Variants in STARD13 observed in about 807,000 individuals in gnomAD.
STARD13 encodes the protein stAR-related lipid transfer protein 13.
A neutral mutation model predicts 106.4 loss-of-function variants in STARD13; 62 were observed. The observed-to-expected ratio is 0.58, with a 90% CI of 0.48 to 0.72. The LOEUF (loss-of-function observed/expected upper bound fraction) is 0.72, where lower values mean the gene tolerates loss of function less well. Ranked by LOEUF, STARD13 falls within the 30% of genes least tolerant of loss-of-function variation. STARD13 has a pLI of 0.00. For synonymous variants in STARD13, 565 were observed against 553.0 expected (o/e 1.02, Z -0.31); for missense variants, 1,387 against 1,424.0 (o/e 0.97, Z 0.42).
chr13:33,288,042 C>A (rs1892143074), upstream of STARD13, among the ~76,000 whole-genome samples: 1 of 151,876 alleles, frequency 6.6e-6, no homozygotes, highest in African/African-American at 2.4e-5. Flanking sequence ...ATTATGAAAA[C>A]AAGTGGAATG....
chr13:33,592,405 G>T, the STARD13 span, among the ~76,000 whole-genome samples: 3 of 152,280 alleles, frequency 2.0e-5, no homozygotes, highest in Non-Finnish European at 4.4e-5. Flanking sequence ...GGAGGATCTG[G>T]GGTGCTAAGA....
chr13:33,541,153 A>G, the STARD13 span, among the ~76,000 whole-genome samples: 7 of 152,344 alleles, frequency 4.6e-5, no homozygotes, highest in East Asian at 1.3e-3. Flanking sequence ...TATACGATGT[A>G]GAGAAAGATG....
At chr13:33,294,584 C>G (rs889483827) in intron 1 of STARD13, among the ~76,000 whole-genome samples, 1 of 152,196 alleles carries the variant, frequency 6.6e-6, no homozygotes, top group Non-Finnish European at 1.5e-5. Flanking sequence ...AATAATTTTA[C>G]TGGAGATTTT....
chr13:33,402,370 T>C, the STARD13 span, among the ~76,000 whole-genome samples: 1 of 152,232 alleles, frequency 6.6e-6, no homozygotes, highest in Non-Finnish European at 1.5e-5. Context: ...ATTTCAGCTC[T>C]TACAGCAGCA....
chr13:33,647,435 T>C, the STARD13 span, among the ~76,000 whole-genome samples: 2 of 152,192 alleles, frequency 1.3e-5, no homozygotes, highest in Non-Finnish European at 2.9e-5. Context: ...TGGATGACTG[T>C]CTAGTAGTTC....
the STARD13 span, among the ~76,000 whole-genome samples, chr13:33,673,362 G>C: frequency 0.02 from 3,055 of 152,218 alleles, 115 homozygotes; most frequent in African/African-American, 0.07. Context: ...ATCTGAGAGG[G>C]CAGGTGCATA....
At chr13:33,584,621 G>A in the STARD13 span, among the ~76,000 whole-genome samples, 2 of 152,142 alleles carry the variant, frequency 1.3e-5, no homozygotes, top group South Asian at 4.2e-4. Context: ...TACAAATGTC[G>A]AGCATGTCTT....
intron 3 of STARD13, among the ~76,000 whole-genome samples, chr13:33,165,086 ACT>A (rs1242800738): frequency 6.7e-6 from 1 of 148,256 alleles, no homozygotes; most frequent in Non-Finnish European, 1.5e-5. Context: ...TCTCACTCTC[ACT>A]CTCTCTCTCT....
intron 1 of STARD13, among the ~76,000 whole-genome samples, chr13:33,207,021 T>C (rs1269708796): frequency 1.3e-5 from 2 of 152,228 alleles, no homozygotes; most frequent in Admixed American, 6.5e-5. Flanking sequence ...TTTGTTGTTA[T>C]TATGCAACAT....
chr13:33,524,561 G>A, the STARD13 span, among the ~76,000 whole-genome samples: 1 of 151,896 alleles, frequency 6.6e-6, no homozygotes, highest in Non-Finnish European at 1.5e-5. Flanking sequence ...TTTGGTTAGT[G>A]AGATCAGCCC....
the STARD13 span, among the ~76,000 whole-genome samples, chr13:33,559,085 C>A: frequency 9.2e-5 from 14 of 151,632 alleles, no homozygotes; most frequent in African/African-American, 2.2e-4. Flanking sequence ...TATTTTCCCC[C>A]AAAAAATCTT....
intron 1 of STARD13, among the ~76,000 whole-genome samples, chr13:33,178,275 G>T (rs1884905763): frequency 6.6e-6 from 1 of 152,108 alleles, no homozygotes; most frequent in Non-Finnish European, 1.5e-5. Context: ...TAGGTGGCTT[G>T]AATAACATTT....
chr13:33,643,609 G>T, the STARD13 span, among the ~76,000 whole-genome samples: 3,852 of 152,380 alleles, frequency 0.025, 157 homozygotes, highest in African/African-American at 0.088. Context: ...TCTTTGTCAG[G>T]AACTCTCCTG....
the STARD13 span, among the ~76,000 whole-genome samples, chr13:33,463,323 T>C: frequency 1.3e-5 from 2 of 152,288 alleles, no homozygotes; most frequent in South Asian, 4.1e-4. Flanking sequence ...TTATACCCAC[T>C]TGTAATTATA....
At chr13:33,348,548 T>C (rs2078040053), downstream of STARD13, 1 of 153,082 alleles carries the variant, frequency 6.5e-6, no homozygotes, top group Admixed American at 6.5e-5. Flanking sequence ...GACCCATTGA[T>C]TTAACAAACT....
intron 8 of STARD13, 53 bp downstream of exon 8, chr13:33,118,012 C>T: frequency 6.2e-7 from 1 of 1,607,290 alleles, no homozygotes; most frequent in South Asian, 1.1e-5. Flanking sequence ...GAATTATTTT[C>T]ATTAAAGTGG....
chr13:33,354,460 A>G (rs950653404), upstream of STARD13, among the ~76,000 whole-genome samples: 3 of 152,180 alleles, frequency 2.0e-5, no homozygotes, highest in African/African-American at 7.2e-5. Context: ...CTGCCGGAGG[A>G]GCACTTATCA....
At chr13:33,321,925 T>A (rs1482685659) in intron 1 of STARD13, among the ~76,000 whole-genome samples, 1 of 152,218 alleles carries the variant, frequency 6.6e-6, no homozygotes, top group Admixed American at 6.5e-5. Context: ...ACTTTTTCAG[T>A]GTTATCAAGA....
the STARD13 span, among the ~76,000 whole-genome samples, chr13:33,552,140 G>A: frequency 6.6e-6 from 1 of 151,988 alleles, no homozygotes; most frequent in Non-Finnish European, 1.5e-5. Flanking sequence ...CAAGTACATG[G>A]AGCAATAAAT....
Sources: gnomAD v4.1 joint callset for allele counts (sites outside exome capture counted in the v4.1 genomes callset) on GRCh38, gnomAD v4.1.1 for gene constraint, MANE v1.5 for transcripts, NCBI Gene and HGNC (gene_info 2026-07-23, HGNC 2026-07-21) for gene names.